ABLIM3: variants seen among roughly 807,000 people sequenced by gnomAD.
ABLIM3 encodes the protein actin-binding LIM protein 3.
Under a neutral mutation model 109.5 loss-of-function variants are expected in ABLIM3, and 61 were observed. That is an observed-to-expected ratio of 0.56 (90% CI 0.45 to 0.69). The LOEUF (loss-of-function observed/expected upper bound fraction) is 0.69, where lower values mean the gene tolerates loss of function less well. ABLIM3 is among the 30% of genes least tolerant of loss of function. The pLI is 0.00. For missense variants in ABLIM3, 796 were observed against 889.5 expected (o/e 0.89, Z 1.34); for synonymous variants, 300 against 324.8 (o/e 0.92, Z 0.82).
At chr5:149,231,613 G>A (rs1482583766) in intron 9 of ABLIM3, among the ~76,000 whole-genome samples, 1 of 152,180 alleles carries the variant, frequency 6.6e-6, no homozygotes, top group African/African-American at 2.4e-5. Flanking sequence ...CCAGTTTATT[G>A]ATGCATAATT....
intron 2 of ABLIM3, among the ~76,000 whole-genome samples, chr5:149,172,173 C>T (rs1755497953): frequency 6.6e-6 from 1 of 152,006 alleles, no homozygotes; most frequent in African/African-American, 2.4e-5. Context: ...ATTGCCAGAT[C>T]CTGAAATCAA....
At chr5:149,165,190 AG>A (rs1331712899) in intron 2 of ABLIM3, among the ~76,000 whole-genome samples, 1 of 152,228 alleles carries the variant, frequency 6.6e-6, no homozygotes, top group Non-Finnish European at 1.5e-5. Flanking sequence ...ACCTCTGAGC[AG>A]GCTTTGTAAA....
intron 2 of ABLIM3, among the ~76,000 whole-genome samples, chr5:149,173,441 T>TC (rs1561551704): frequency 1.3e-5 from 2 of 152,254 alleles, no homozygotes; most frequent in Non-Finnish European, 2.9e-5. Flanking sequence ...AACTGGAACT[T>TC]CCCCAATGTT....
chr5:149,234,211 A>C (rs1341979468), intron 10 of ABLIM3, among the ~76,000 whole-genome samples: 2 of 152,216 alleles, frequency 1.3e-5, no homozygotes, highest in African/African-American at 4.8e-5. Context: ...CGAGGAAGAA[A>C]CATTAAACTC....
At chr5:149,173,466 G>A (rs1755626713) in intron 2 of ABLIM3, among the ~76,000 whole-genome samples, 1 of 152,138 alleles carries the variant, frequency 6.6e-6, no homozygotes, top group African/African-American at 2.4e-5. Flanking sequence ...GCTTGTCCTG[G>A]TGTGGCCAGC....
At position 149,144,165 on chromosome 5, in the gene ABLIM3, GA is replaced by G. The variant is rs377095585; in HGVS notation, c.13+2058del. Among the ~76,000 whole-genome samples the G allele has an allele frequency of 2.7e-4, 41 of 152,312 alleles. 1 individual carries two copies. The East Asian group carries it at 2.7e-3, about 10-fold the overall frequency. On this transcript the variant is annotated intron_variant, in intron 2 of 23. Transcript: ENST00000309868. ...AATGCCACTACTTTTTATAAGCAGGGAGAGTGTGTGAATTTTGCAGTAATGG... is the reference window on the plus strand; with the variant it reads ...AATGCCACTACTTTTTATAAGCAGGGGAGTGTGTGAATTTTGCAGTAATGG...
intron 22 of ABLIM3, 27 bp downstream of exon 22, chr5:149,252,235 G>A (rs1217938402): frequency 2.5e-6 from 4 of 1,611,162 alleles, no homozygotes; most frequent in Non-Finnish European, 3.4e-6. Flanking sequence ...GACCCTGGGG[G>A]TCTCCAGGAT....
intron 2 of ABLIM3, among the ~76,000 whole-genome samples, chr5:149,171,984 T>C (rs892921849): frequency 6.1e-5 from 9 of 147,392 alleles, no homozygotes; most frequent in Admixed American, 6.1e-4. Flanking sequence ...GGATACTGAG[T>C]ACTTGAAATT....
intron 2 of ABLIM3, among the ~76,000 whole-genome samples, chr5:149,145,046 AT>A (rs2127425421): frequency 6.6e-6 from 1 of 152,266 alleles, no homozygotes; most frequent in Admixed American, 6.5e-5. Flanking sequence ...ACATGGGTAT[AT>A]TGCATGATGC....
At chr5:149,192,879 T>C (rs1442548568) in intron 3 of ABLIM3, among the ~76,000 whole-genome samples, 1 of 145,058 alleles carries the variant, frequency 6.9e-6, no homozygotes, top group Non-Finnish European at 1.5e-5. Context: ...CCACCATTTA[T>C]AGAAAATGTA....
At chr5:149,217,121 G>A in intron 8 of ABLIM3, 75 bp downstream of exon 8, 1 of 1,369,678 alleles carries the variant, frequency 7.3e-7, no homozygotes. Context: ...TTCAGGTTCA[G>A]TGTTATCTTG....
intron 2 of ABLIM3, among the ~76,000 whole-genome samples, chr5:149,149,796 T>C (rs1312293379): frequency 1.3e-5 from 2 of 152,076 alleles, no homozygotes; most frequent in Non-Finnish European, 2.9e-5. Context: ...TCTTCACAAG[T>C]GTGTGAGAAG....
At chr5:149,189,545 G>A (rs1326306883) in intron 3 of ABLIM3, among the ~76,000 whole-genome samples, 2 of 152,132 alleles carry the variant, frequency 1.3e-5, no homozygotes, top group East Asian at 3.8e-4. Flanking sequence ...AATGGGCAAA[G>A]GATATGAATA....
chr5:149,244,993 G>T lies in ABLIM3; in HGVS notation c.1464G>T (p.Trp488Cys). The T allele has an allele frequency of 6.2e-7, 1 of 1,614,122 alleles. No individual in the cohort carries two copies. The highest frequency in any genetic ancestry group is 8.5e-7 in the Non-Finnish European group (1 of 1,180,024). The change falls in exon 16 of 24, where the codon TGG (tryptophan) becomes TGT (cysteine). Residue 488 changes from tryptophan to cysteine, a missense_variant. Coordinates refer to ENST00000309868, the MANE Select transcript of ABLIM3 (RefSeq NM_014945.5). ...DPYYASESEY[W>C]TYHGSPKVPR... Reference sequence around the variant, plus strand: ...ACTATGCTTCGGAGTCTGAGTACTGGACCTACCATGGGTCCCCCAAAGGTA... The same window carrying T: ...ACTATGCTTCGGAGTCTGAGTACTGTACCTACCATGGGTCCCCCAAAGGTA...
intron 3 of ABLIM3, among the ~76,000 whole-genome samples, chr5:149,192,398 A>G (rs1757559777): frequency 6.6e-6 from 1 of 152,150 alleles, no homozygotes; most frequent in East Asian, 1.9e-4. Flanking sequence ...ATATGGGCAA[A>G]GAATCAAAAC....
chr5:149,154,994 A>T (rs1373222521), intron 2 of ABLIM3, among the ~76,000 whole-genome samples: 1 of 152,240 alleles, frequency 6.6e-6, no homozygotes, highest in Non-Finnish European at 1.5e-5. Flanking sequence ...AAGAAAAGTG[A>T]TGGAGCCTTG....
intron 11 of ABLIM3, among the ~76,000 whole-genome samples, chr5:149,238,143 A>G (rs1428980170): frequency 6.6e-6 from 1 of 152,202 alleles, no homozygotes; most frequent in African/African-American, 2.4e-5. Context: ...ATAAAGACTC[A>G]GTAACAGATA....
intron 8 of ABLIM3, among the ~76,000 whole-genome samples, chr5:149,229,831 T>G (rs979039779): frequency 6.6e-6 from 1 of 152,210 alleles, no homozygotes; most frequent in Non-Finnish European, 1.5e-5. Context: ...CTGTTGCTCA[T>G]GCCTTTCCAA....
intron 13 of ABLIM3, 98 bp downstream of exon 13, chr5:149,239,986 T>C: frequency 6.9e-7 from 1 of 1,452,638 alleles, no homozygotes; most frequent in Non-Finnish European, 9.1e-7. Context: ...TCCCCCATGA[T>C]CTCCATCACA....
Sources: allele counts gnomAD v4.1 joint callset (sites outside exome capture counted in the v4.1 genomes callset), GRCh38; gene constraint gnomAD v4.1.1; transcripts MANE v1.5; gene names NCBI Gene and HGNC (gene_info 2026-07-23, HGNC 2026-07-21).